The following LHX6 variants were observed in gnomAD, a reference collection of about 807,000 sequenced individuals.
LHX6 encodes LIM homeobox 6.
In LHX6, 15 loss-of-function variants were observed where a neutral mutation model predicts 47.1. The observed-to-expected ratio is 0.32, with a 90% CI of 0.21 to 0.49. The LOEUF is 0.49. LHX6 is among the 20% of genes least tolerant of loss of function. LHX6 has a pLI of 0.99. For synonymous variants in LHX6, 242 were observed against 233.5 expected (o/e 1.04, Z -0.33); for missense variants, 404 against 539.6 (o/e 0.75, Z 2.49).
chr9:122,207,303 G>A (rs1361834445), intron 9 of LHX6, among the ~76,000 whole-genome samples: 4 of 152,206 alleles, frequency 2.6e-5, no homozygotes, highest in East Asian at 1.9e-4. Context: ...GGATGAGGTC[G>A]GAGAGAGGGC....
intron 8 of LHX6, among the ~76,000 whole-genome samples, 192 bp from the exon 9 acceptor site, chr9:122,209,909 C>T (rs553708305): frequency 2.1e-3 from 321 of 152,024 alleles, no homozygotes; most frequent in African/African-American, 7.4e-3. Flanking sequence ...GGAGTCTCAC[C>T]TTGTCGCCCA....
At chr9:122,227,949 T>TCCGGGGGGCCC (rs1702531626) in intron 1 of LHX6, 1 of 176,980 alleles carries the variant, frequency 5.7e-6, no homozygotes, top group Non-Finnish European at 1.2e-5. Flanking sequence ...TTTTTCTCTC[T>TCCGGGGGGCCC]CCACCCGCCC....
chr9:122,204,859 C>T (rs1211973520), intron 9 of LHX6, 79 bp from the exon 10 acceptor site: 3 of 1,026,626 alleles, frequency 2.9e-6, no homozygotes, highest in Non-Finnish European at 4.2e-6. Flanking sequence ...CTCAAAGGCA[C>T]AGAGAAGAAG....
chr9:122,226,846 A>G lies in LHX6; in HGVS notation c.339+2T>C. On this transcript the variant is annotated splice_donor_variant, in intron 3 of 9. Transcript: ENST00000394319. LOFTEE classifies it high-confidence loss of function. This position sits in a 1 kb window ranked among gnomAD's most constrained non-coding sequence, Gnocchi z 6.5. The stretch of plus-strand genomic sequence containing the variant: ...CGCACGCAACACCTACCCCTGTCTC[A>G]CCTTGAGCAGATATCGGTCCAGGAT... 6.4e-7 allele frequency: 1 copy of G among 1,561,510 alleles called. No individual in the cohort carries two copies. Among genetic ancestry groups the G allele is most frequent in the Non-Finnish European group, 8.7e-7 (1 of 1,153,408 alleles).
chr9:122,212,420 G>A lies in LHX6; in HGVS notation c.1054+1186C>T, dbSNP rs902872242. ...ACAGTCAGTAGAATATATGGCATAT[G>A]GTCAGTAAGCAGCAGTTCTCTGTCT... On this transcript the variant is annotated intron_variant, in intron 8 of 9. Transcript: ENST00000394319. Among the ~76,000 whole-genome samples, 14 of 152,194 alleles carry A rather than the reference G, an allele frequency of 9.2e-5. No individual in the cohort carries two copies. The East Asian group carries it at 2.7e-3, about 29-fold the overall frequency.
In LHX6 at chr9:122,213,826, G is replaced by C; in HGVS notation, c.880-46C>G. The C allele has an allele frequency of 6.4e-7, 1 of 1,550,482 alleles. No individual in the cohort carries two copies. The highest frequency in any genetic ancestry group is 8.7e-7 in the Non-Finnish European group (1 of 1,148,160). On this transcript the variant is annotated intron_variant, in intron 7 of 9. Coordinates refer to ENST00000394319, the MANE Select transcript of LHX6 (RefSeq NM_014368.5). This position sits in a 1 kb window ranked among gnomAD's most constrained non-coding sequence, Gnocchi z 5.5. ...GCCTCAGCCTCGAGGAAAAGAGTCG[G>C]ACGCGCCGCCGGGAGACCCCAGGCG... is the stretch of plus-strand genomic sequence containing the variant.
At position 122,228,694 on chromosome 9, in the gene LHX6, C is replaced by T. The variant is rs1198620624; in HGVS notation, c.47G>A (p.Cys16Tyr). 1 of 1,293,774 alleles carries T rather than the reference C, an allele frequency of 7.7e-7. No homozygotes were observed. The allele number at this position is 1,293,774 out of a possible 1,614,324, so 80.1% of individuals were successfully genotyped here. A position where few individuals can be genotyped will look rare whatever the true frequency, so the allele number is the denominator to read the frequency against. Residue 16 changes from cysteine to tyrosine, a missense_variant, in exon 1 of 10, where the codon TGC becomes TAC. Cys to Tyr is a radical substitution (Grantham distance 194). Coordinates refer to ENST00000394319, the MANE Select transcript of LHX6 (RefSeq NM_014368.5). ...ENAAPALPEG[C>Y]RLPAEGGPAT... is the part of the protein sequence containing the mutation. ...GGGGCCGCCCTCGGCCGGCAGCCGG[C>T]AGCCCTCGGGCAACGCCGGGGCGGC... is the stretch of plus-strand genomic sequence containing the variant.
Position 122,228,797 on chromosome 9 carries a change from G to C in LHX6, c.-57C>G. ...CAGCGCGGAGAGCTGCGCCGAGGGG[G>C]ACCACAGCCGCAGTGGGAGCAGAGG... On this transcript the variant is annotated 5_prime_UTR_variant, in exon 1 of 10. Transcript: ENST00000394319. 1 of 1,148,366 alleles carries C rather than the reference G, an allele frequency of 8.7e-7. No individual in the cohort carries two copies. The allele number at this position is 1,148,366 out of a possible 1,614,324, so 71.1% of individuals were successfully genotyped here.
intron 9 of LHX6, among the ~76,000 whole-genome samples, 162 bp from the exon 10 acceptor site, chr9:122,204,942 C>T (rs1325374652): frequency 1.3e-5 from 2 of 152,216 alleles, no homozygotes; most frequent in Non-Finnish European, 2.9e-5. Context: ...CCTTGGGCAA[C>T]TCACTGCACC....
At chr9:122,220,838 G>A (rs755628461) in intron 4 of LHX6, among the ~76,000 whole-genome samples, 37 of 152,220 alleles carry the variant, frequency 2.4e-4, no homozygotes, top group Non-Finnish European at 4.6e-4. Flanking sequence ...GTTATATGAA[G>A]GGAGCCCTGC....
At position 122,202,963 on chromosome 9, in the gene LHX6, C is replaced by A. The variant is rs1434148439; in HGVS notation, c.*1797G>T. 1 of 152,348 alleles carries A rather than the reference C, an allele frequency of 6.6e-6. No homozygotes were observed. Among genetic ancestry groups the A allele is most frequent in the Admixed American group, 6.6e-5 (1 of 15,264 alleles). 9.4% of individuals were successfully genotyped at this position (152,348 alleles called of 1,614,324 possible). On this transcript the variant is annotated 3_prime_UTR_variant, in exon 10 of 10. Coordinates refer to ENST00000394319, the MANE Select transcript of LHX6 (RefSeq NM_014368.5). ...GGCCTTGATGATCAGGAGCAAAAAT[C>A]AAAGGAAAGATTTGAGCTCCAAGGC...
Position 122,226,456 on chromosome 9 carries a change from G to T in LHX6, c.381C>A (p.Ser127=), listed in dbSNP as rs760908427. 6.2e-7 allele frequency: 1 copy of T among 1,613,500 alleles called. No individual in the cohort carries two copies. Among genetic ancestry groups the T allele is most frequent in the Non-Finnish European group, 8.5e-7 (1 of 1,179,926 alleles). The change falls in exon 4 of 10, where the codon TCC becomes TCA. Residue 127 remains serine, a synonymous_variant. Coordinates refer to ENST00000394319, the MANE Select transcript of LHX6 (RefSeq NM_014368.5). This position sits in a 1 kb window ranked among gnomAD's most constrained non-coding sequence, Gnocchi z 6.5. The part of the protein sequence containing the change: ...LIWHVRCLEC[S]VCRTSLRQQN... The stretch of plus-strand genomic sequence containing the variant: ...GCTGCCTCAGCGACGTGCGACACAC[G>T]GAGCACTCGAGGCACCGCACGTGCC...
chr9:122,224,527 G>A (rs962627885), intron 4 of LHX6, among the ~76,000 whole-genome samples: 2 of 151,118 alleles, frequency 1.3e-5, no homozygotes, highest in African/African-American at 4.9e-5. Flanking sequence ...TCACAAATAC[G>A]TTCTTATCAC....
chr9:122,218,890 C>G (rs141407108), intron 4 of LHX6, among the ~76,000 whole-genome samples: 1 of 152,100 alleles, frequency 6.6e-6, no homozygotes, highest in Non-Finnish European at 1.5e-5. Flanking sequence ...CAGAGTCCCA[C>G]GGCACCCTGC....
chr9:122,206,844 G>A (rs959183646), intron 9 of LHX6, among the ~76,000 whole-genome samples: 2 of 151,984 alleles, frequency 1.3e-5, no homozygotes, highest in Non-Finnish European at 2.9e-5. Flanking sequence ...CACACTGAAC[G>A]TCCCCCAGGG....
chr9:122,227,772 A>G, intron 1 of LHX6: 1 of 438,764 alleles, frequency 2.3e-6, no homozygotes, highest in Middle Eastern at 6.0e-4. Context: ...GGGGGGAAGA[A>G]AAACACGCGC....
At chr9:122,206,923 CCTT>C (rs1051911578) in intron 9 of LHX6, among the ~76,000 whole-genome samples, 2 of 152,234 alleles carry the variant, frequency 1.3e-5, no homozygotes, top group African/African-American at 4.8e-5. Flanking sequence ...TGTGGAACAC[CCTT>C]CTTCTTGTCC....
At chr9:122,227,530 T>A (rs1025082033) in intron 1 of LHX6, 50 bp from the exon 2 acceptor site, 13 of 1,515,628 alleles carry the variant, frequency 8.6e-6, no homozygotes, top group Non-Finnish European at 1.1e-5. Context: ...CTGAACTGGC[T>A]CCGCACAGCC....
chr9:122,208,826 A>C (rs1050185116), intron 9 of LHX6, among the ~76,000 whole-genome samples: 2 of 122,692 alleles, frequency 1.6e-5, no homozygotes, highest in African/African-American at 6.4e-5. Flanking sequence ...TAAGAGTGAA[A>C]CTCTGTCTAA....
Sources: gnomAD v4.1 joint callset for allele counts (sites outside exome capture counted in the v4.1 genomes callset) on GRCh38, gnomAD v4.1.1 for gene constraint, Gnocchi (gnomAD v3.1) non-coding constraint, MANE v1.5 for transcripts, NCBI Gene and HGNC (gene_info 2026-07-23, HGNC 2026-07-21) for gene names.